PTPN22: variants seen among roughly 807,000 people sequenced by gnomAD.
PTPN22 encodes tyrosine-protein phosphatase non-receptor type 22.
In PTPN22, 85 loss-of-function variants were observed where a neutral mutation model predicts 103.3. The observed-to-expected ratio is 0.82, with a 90% CI of 0.69 to 0.99. PTPN22 has a LOEUF of 0.99. PTPN22 is among the 50% of genes least tolerant of loss of function. PTPN22 has a pLI of 0.00. For synonymous variants in PTPN22, 323 were observed against 310.2 expected (o/e 1.04, Z -0.43); for missense variants, 865 against 936.9 (o/e 0.92, Z 1.00).
chr1:113,815,931 G>A (rs910173451), intron 20 of PTPN22, among the ~76,000 whole-genome samples: 3 of 152,148 alleles, frequency 2.0e-5, no homozygotes, highest in African/African-American at 7.2e-5. Flanking sequence ...CACCCACCTT[G>A]GCCTTCCAAA....
chr1:113,826,220 C>T (rs1662046544), intron 18 of PTPN22, among the ~76,000 whole-genome samples: 1 of 152,032 alleles, frequency 6.6e-6, no homozygotes, highest in African/African-American at 2.4e-5. Context: ...TGGTGCAGAC[C>T]TGTGTTCCCA....
chr1:113,852,697 G>A (rs1188667705), intron 9 of PTPN22, among the ~76,000 whole-genome samples: 1 of 152,126 alleles, frequency 6.6e-6, no homozygotes, highest in Non-Finnish European at 1.5e-5. Context: ...TTCACCTTAG[G>A]TTAGGTGCAC....
intron 19 of PTPN22, among the ~76,000 whole-genome samples, chr1:113,823,926 T>C (rs1030663163): frequency 6.6e-6 from 1 of 152,224 alleles, no homozygotes; most frequent in Non-Finnish European, 1.5e-5. Context: ...AACCTGGAGC[T>C]TTTGGGTAGG....
chr1:113,844,807 TTTC>T (rs1222297187), intron 11 of PTPN22, among the ~76,000 whole-genome samples: 8 of 152,342 alleles, frequency 5.3e-5, no homozygotes, highest in African/African-American at 1.9e-4. Flanking sequence ...TACTGATTTT[TTTC>T]TTTTTTTAAT....
rs888171116 is a variant in PTPN22, at chr1:113,858,638, G to A, written c.274-65C>T. 11 of 1,002,710 alleles carry A rather than the reference G, an allele frequency of 1.1e-5. No homozygotes were observed. In the African/African-American group the frequency reaches 1.2e-4, roughly 11 times the overall value. 62.1% of individuals were successfully genotyped at this position (1,002,710 alleles called of 1,614,324 possible). A position where few individuals can be genotyped will look rare whatever the true frequency, so the allele number is the denominator to read the frequency against. On this transcript the variant is annotated intron_variant, in intron 3 of 20. Coordinates refer to ENST00000359785, the Ensembl canonical transcript of PTPN22. ...ATACCCTGTTCTCACCTAGTCCTCC[G>A]CTTCCTTTTTTTTTTTTTTTTGAGA...
At chr1:113,843,148 C>T (rs116543141) in intron 11 of PTPN22, among the ~76,000 whole-genome samples, 1,719 of 149,324 alleles carry the variant, frequency 0.012, 46 homozygotes, top group African/African-American at 0.041. Flanking sequence ...CATGTAATTC[C>T]ACTTCTGGGT....
intron 18 of PTPN22, 61 bp downstream of exon 18, chr1:113,829,531 G>A: frequency 2.4e-6 from 2 of 842,578 alleles, no homozygotes; most frequent in South Asian, 2.0e-5. Flanking sequence ...TGCTGGGGAG[G>A]GGGAAACTTT....
At chr1:113,852,638 T>A (rs940478590) in intron 9 of PTPN22, among the ~76,000 whole-genome samples, 3 of 152,146 alleles carry the variant, frequency 2.0e-5, no homozygotes, top group African/African-American at 7.2e-5. Context: ...TGGGCCCCCA[T>A]CTCTAGAGAC....
intron 10 of PTPN22, among the ~76,000 whole-genome samples, chr1:113,850,997 G>T (rs2102058710): frequency 6.6e-6 from 1 of 152,200 alleles, no homozygotes; most frequent in South Asian, 2.1e-4. Context: ...TAAAACTATT[G>T]GGTAAAACTA....
In PTPN22 at chr1:113,819,658, G is replaced by C; in HGVS notation, c.2282-4C>G. 1 of 1,572,018 alleles carries C rather than the reference G, an allele frequency of 6.4e-7. No individual in the cohort carries two copies. The highest frequency in any genetic ancestry group is 8.7e-7 in the Non-Finnish European group (1 of 1,151,022). The stretch of plus-strand genomic sequence containing the variant: ...GGTGGGCAAGAATTACAGATACCTA[G>C]AATCAAAAGAAAAAAATATAAGGGA... On this transcript the variant is annotated splice_polypyrimidine_tract_variant and splice_region_variant and intron_variant, in intron 19 of 20. Coordinates refer to ENST00000359785, the Ensembl canonical transcript of PTPN22.
chr1:113,819,373 C>T (rs1661408640), intron 20 of PTPN22: 1 of 310,416 alleles, frequency 3.2e-6, no homozygotes, highest in Admixed American at 4.9e-5. Flanking sequence ...GCTTTATTTT[C>T]CACATATACT....
rs745531540 is a variant in PTPN22 at position 113,871,420 on chromosome 1, C to T, written c.87+117G>A. ...CAAACTTTTTTTTTTCTGTCTTCCC[C>T]GCCAAGGTCTCATATTTACTTTATC... is the stretch of plus-strand genomic sequence containing the variant. On this transcript the variant is annotated intron_variant, in intron 1 of 20. Coordinates refer to ENST00000359785, the Ensembl canonical transcript of PTPN22. 5.1e-4 allele frequency: 389 copies of T among 755,540 alleles called. 1 individual carries two copies. Among genetic ancestry groups the T allele is most frequent in the Middle Eastern group, 7.6e-4 (3 of 3,938 alleles). The allele number at this position is 755,540 out of a possible 1,614,324, so 46.8% of individuals were successfully genotyped here. A position where few individuals can be genotyped will look rare whatever the true frequency, so the allele number is the denominator to read the frequency against.
chr1:113,851,222 G>A (rs753488835), intron 10 of PTPN22, among the ~76,000 whole-genome samples: 7 of 149,668 alleles, frequency 4.7e-5, no homozygotes, highest in Non-Finnish European at 1.0e-4. Flanking sequence ...GTGTGATCTC[G>A]GCCCTCTGCA....
At chr1:113,847,438 G>A (rs928740589) in intron 11 of PTPN22, among the ~76,000 whole-genome samples, 2 of 147,166 alleles carry the variant, frequency 1.4e-5, no homozygotes. Context: ...GTATCATCTC[G>A]GTGTTGTCAC....
intron 10 of PTPN22, among the ~76,000 whole-genome samples, chr1:113,849,393 ATTT>A (rs1664353399): frequency 6.6e-6 from 1 of 152,146 alleles, no homozygotes; most frequent in Non-Finnish European, 1.5e-5. Flanking sequence ...CAAGCACTTA[ATTT>A]TGAACCTACT....
exon 13 of PTPN22, chr1:113,838,371 C>A: frequency 6.3e-7 from 1 of 1,595,284 alleles, no homozygotes; most frequent in Non-Finnish European, 8.5e-7. Context: ...CCATTTTTGT[C>A]CTTTGTTGGT....
intron 19 of PTPN22, among the ~76,000 whole-genome samples, chr1:113,824,868 T>A (rs545598397): frequency 6.6e-5 from 10 of 151,776 alleles, no homozygotes; most frequent in South Asian, 6.2e-4. Flanking sequence ...AAATTTAAAA[T>A]TTTTTTAATG....
intron 18 of PTPN22, among the ~76,000 whole-genome samples, chr1:113,828,752 C>T (rs759322444): frequency 6.6e-6 from 1 of 152,208 alleles, no homozygotes; most frequent in Non-Finnish European, 1.5e-5. Context: ...CCTCCCACCT[C>T]AGCCTCCTGA....
upstream of PTPN22, chr1:113,871,719 G>T: frequency 1.9e-6 from 2 of 1,051,362 alleles, no homozygotes; most frequent in Non-Finnish European, 1.5e-6. Flanking sequence ...CACTGCTGCC[G>T]CCTGAGCAGA....
Sources: allele counts gnomAD v4.1 joint callset (sites outside exome capture counted in the v4.1 genomes callset), GRCh38; gene constraint gnomAD v4.1.1; transcripts MANE v1.5; gene names NCBI Gene and HGNC (gene_info 2026-07-23, HGNC 2026-07-21).